ARMH4: variants seen among roughly 807,000 people sequenced by gnomAD.
ARMH4 encodes the protein armadillo like helical domain containing 4, also known as armadillo-like helical domain-containing protein 4.
Under a neutral mutation model 61.9 loss-of-function variants are expected in ARMH4, and 49 were observed. The observed-to-expected ratio is 0.79, with a 90% CI of 0.63 to 1.00. The LOEUF (loss-of-function observed/expected upper bound fraction) is 1.00. ARMH4 is among the 50% of genes least tolerant of loss of function. The pLI, the probability that ARMH4 is intolerant of heterozygous loss-of-function variation, is 0.00. For synonymous variants in ARMH4, 368 were observed against 341.5 expected, an observed-to-expected ratio of 1.08 and a Z score of -0.85; for missense variants, 934 against 930.0, an observed-to-expected ratio of 1.00 and a Z score of -0.06.
intron 4 of ARMH4, among the ~76,000 whole-genome samples, chr14:58,113,009 A>G (rs920531688): frequency 6.6e-6 from 1 of 152,198 alleles, no homozygotes; most frequent in Admixed American, 6.5e-5. Flanking sequence ...GAACAAACAA[A>G]AAGTTGACAA....
chr14:58,008,333 T>C (rs1333338185), intron 6 of ARMH4, among the ~76,000 whole-genome samples: 1 of 152,196 alleles, frequency 6.6e-6, no homozygotes, highest in Non-Finnish European at 1.5e-5. Context: ...GGTAAAGGTG[T>C]AGGAATGTTC....
intron 5 of ARMH4, among the ~76,000 whole-genome samples, chr14:58,083,492 A>C (rs1885291826): frequency 6.6e-6 from 1 of 152,184 alleles, no homozygotes; most frequent in African/African-American, 2.4e-5. Flanking sequence ...CTGAGGCAGG[A>C]GAATTGCTTG....
chr14:58,078,253 G>A (rs1460362427), intron 5 of ARMH4, among the ~76,000 whole-genome samples: 1 of 152,204 alleles, frequency 6.6e-6, no homozygotes, highest in Non-Finnish European at 1.5e-5. Flanking sequence ...AACTGCATGG[G>A]CCCTGCACTA....
chr14:58,098,612 A>T (rs1243389416), intron 4 of ARMH4, among the ~76,000 whole-genome samples: 1 of 152,232 alleles, frequency 6.6e-6, no homozygotes, highest in Non-Finnish European at 1.5e-5. Context: ...TTAAGTCAAC[A>T]TCTACAGGAA....
At chr14:58,078,503 T>A (rs542579079) in intron 5 of ARMH4, among the ~76,000 whole-genome samples, 1 of 152,114 alleles carries the variant, frequency 6.6e-6, no homozygotes, top group African/African-American at 2.4e-5. Context: ...TGGTTGCCTA[T>A]CCAACAGCCA....
chr14:58,133,478 G>A (rs1283192520), intron 2 of ARMH4, 137 bp from the exon 3 acceptor site: 2 of 755,068 alleles, frequency 2.6e-6, no homozygotes, highest in African/African-American at 1.8e-5. Context: ...AGAGAACTCA[G>A]AAGTAAAATG....
chr14:58,127,883 A>G (rs1886956461), intron 4 of ARMH4, among the ~76,000 whole-genome samples: 1 of 152,206 alleles, frequency 6.6e-6, no homozygotes, highest in Admixed American at 6.5e-5. Flanking sequence ...GGACCGTCAA[A>G]GACTTAATCA....
At chr14:58,105,583 A>G (rs1404078078) in intron 4 of ARMH4, among the ~76,000 whole-genome samples, 1 of 152,034 alleles carries the variant, frequency 6.6e-6, no homozygotes, top group African/African-American at 2.4e-5. Flanking sequence ...GCTACTCAAG[A>G]AGCTGAGGCA....
chr14:58,113,470 T>C (rs1384443154), intron 4 of ARMH4, among the ~76,000 whole-genome samples: 1 of 152,222 alleles, frequency 6.6e-6, no homozygotes, highest in African/African-American at 2.4e-5. Context: ...GTTTGCATTT[T>C]TGATGGTTTA....
At chr14:58,098,674 G>A (rs1885843761) in intron 4 of ARMH4, among the ~76,000 whole-genome samples, 1 of 152,182 alleles carries the variant, frequency 6.6e-6, no homozygotes, top group Non-Finnish European at 1.5e-5. Context: ...AGGCAGGTGT[G>A]GCCTCGCTGT....
At chr14:58,014,816 C>A (rs1318586734) in intron 5 of ARMH4, among the ~76,000 whole-genome samples, 2 of 152,108 alleles carry the variant, frequency 1.3e-5, no homozygotes, top group Non-Finnish European at 2.9e-5. Context: ...GAGTGAAGAA[C>A]AGAGGAGGAA....
At chr14:58,058,027 C>T (rs913732676) in intron 5 of ARMH4, among the ~76,000 whole-genome samples, 1 of 152,178 alleles carries the variant, frequency 6.6e-6, no homozygotes, top group African/African-American at 2.4e-5. Context: ...AGGTTGTTTA[C>T]TCTTTTTCCT....
intron 5 of ARMH4, among the ~76,000 whole-genome samples, chr14:58,029,518 G>A (rs1883150633): frequency 6.6e-6 from 1 of 152,112 alleles, no homozygotes; most frequent in South Asian, 2.1e-4. Flanking sequence ...ACAGGTGTGA[G>A]CCACCGTGCC....
At chr14:58,143,086 C>T (rs927545703) in intron 1 of ARMH4, among the ~76,000 whole-genome samples, 2 of 152,156 alleles carry the variant, frequency 1.3e-5, no homozygotes, top group Non-Finnish European at 2.9e-5. Flanking sequence ...GCCATAACCA[C>T]ACAGCTAAGT....
At chr14:58,125,767 C>T (rs371865812) in intron 4 of ARMH4, among the ~76,000 whole-genome samples, 41 of 152,268 alleles carry the variant, frequency 2.7e-4, no homozygotes, top group East Asian at 1.4e-3. Flanking sequence ...TTAGAACGGT[C>T]GTCAGCCATC....
At chr14:58,034,554 T>C (rs1883402793) in intron 5 of ARMH4, among the ~76,000 whole-genome samples, 1 of 104,380 alleles carries the variant, frequency 9.6e-6, no homozygotes, top group Non-Finnish European at 2.1e-5. Context: ...CACATAACAA[T>C]ATTAACTTTA....
At chr14:58,044,962 A>G (rs1261491648) in intron 5 of ARMH4, among the ~76,000 whole-genome samples, 1 of 152,180 alleles carries the variant, frequency 6.6e-6, no homozygotes, top group Non-Finnish European at 1.5e-5. Flanking sequence ...CCAGGAAACA[A>G]CAGGTGCTGG....
intron 5 of ARMH4, among the ~76,000 whole-genome samples, chr14:58,035,796 C>G (rs1594709226): frequency 3.7e-5 from 5 of 134,860 alleles, no homozygotes; most frequent in Admixed American, 3.6e-4. Context: ...ACTAGAAAAT[C>G]TAGAAGAAAT....
At chr14:58,132,956 G>GGTGTGTGTGT in intron 3 of ARMH4, 134 bp downstream of exon 3, 1 of 837,376 alleles carries the variant, frequency 1.2e-6, no homozygotes, top group African/African-American at 1.7e-5. Flanking sequence ...TCCAGGTAAA[G>GGTGTGTGTGT]GTGTGTGTGT....
Sources: gnomAD v4.1 joint callset for allele counts (sites outside exome capture counted in the v4.1 genomes callset) on GRCh38, gnomAD v4.1.1 for gene constraint, MANE v1.5 for transcripts, NCBI Gene and HGNC (gene_info 2026-07-23, HGNC 2026-07-21) for gene names.